The following C1orf167 variants were observed in gnomAD, a reference collection of about 807,000 sequenced individuals.
C1orf167 encodes uncharacterized protein C1orf167.
A neutral mutation model predicts 176.5 loss-of-function variants in C1orf167; 153 were observed. That is an observed-to-expected ratio of 0.87 (90% CI 0.76 to 0.99). The LOEUF (loss-of-function observed/expected upper bound fraction) is 0.99. C1orf167 is among the 50% of genes least tolerant of loss of function. C1orf167 has a pLI of 0.00. For missense variants in C1orf167, 1,490 were observed against 1,817.7 expected, an observed-to-expected ratio of 0.82 and a Z score of 3.28; for synonymous variants, 594 against 752.7, an observed-to-expected ratio of 0.79 and a Z score of 3.45.
chr1:11,780,332 T>C (rs1180639555), intron 13 of C1orf167, among the ~76,000 whole-genome samples: 1 of 152,184 alleles, frequency 6.6e-6, no homozygotes, highest in East Asian at 1.9e-4. Flanking sequence ...CATTGTGCTA[T>C]GAATGAGCAA....
chr1:11,779,882 C>G lies in C1orf167; in HGVS notation c.2732C>G (p.Thr911Ser). ...ELASHRAWDRTCRAVLGLWRQ... is the reference protein window; with the variant it reads ...ELASHRAWDRSCRAVLGLWRQ... ...GCTTCCCACCGGGCCTGGGATCGGA[C>G]CTGCAGGGCTGTGCTGGGCCTGTGG... Residue 911 changes from threonine (T) to serine (S), a missense_variant, in exon 13 of 21, where the codon ACC (threonine) becomes AGC (serine). Coordinates refer to ENST00000688073, the MANE Select transcript of C1orf167 (RefSeq NM_001010881.2). The G allele has an allele frequency of 2.0e-5, 26 of 1,303,240 alleles. No individual in the cohort carries two copies. The highest frequency in any genetic ancestry group is 2.5e-5 in the Non-Finnish European group (25 of 988,880). The allele number at this position is 1,303,240 out of a possible 1,614,324, so 80.7% of individuals were successfully genotyped here.
chr1:11,786,024 C>G (rs1024427444), intron 16 of C1orf167: 1 of 110,470 alleles, frequency 9.1e-6, no homozygotes, highest in South Asian at 3.6e-4. Flanking sequence ...TGAGCCACCG[C>G]GCCAGGCCAA....
In C1orf167 at chr1:11,766,421, TG is replaced by T; in HGVS notation, c.640del (p.Glu214AsnfsTer111). Reference sequence around the variant, plus strand: ...CTGGGGAGCTGGAGGTCCAGGCTGGTGGGGGAACCTCTCACCCTGGAGGACC... The same window carrying T: ...CTGGGGAGCTGGAGGTCCAGGCTGGTGGGGAACCTCTCACCCTGGAGGACC... ...GGLGSWRSRL[V>X]GEPLTLEDLA... On this transcript the variant is annotated frameshift_variant, in exon 3 of 21. Transcript: ENST00000688073. LOFTEE classifies it high-confidence loss of function. The surrounding 1 kb of genome is among the most constrained non-coding windows in gnomAD (Gnocchi z 4.5). 7.8e-7 allele frequency: 1 copy of T among 1,282,242 alleles called. No homozygotes were observed. The highest frequency in any genetic ancestry group is 5.6e-5 in the East Asian group (1 of 17,948). 79.4% of individuals were successfully genotyped at this position (1,282,242 alleles called of 1,614,324 possible). A position where few individuals can be genotyped will look rare whatever the true frequency, so the allele number is the denominator to read the frequency against.
At position 11,784,613 on chromosome 1, in the gene C1orf167, T is replaced by C. The variant is rs1343288314; in HGVS notation, c.3425+20T>C. 1 of 1,221,580 alleles carries C rather than the reference T, an allele frequency of 8.2e-7. No individual in the cohort carries two copies. Among genetic ancestry groups the C allele is most frequent in the Non-Finnish European group, 1.1e-6 (1 of 948,802 alleles). The allele number at this position is 1,221,580 out of a possible 1,614,324, so 75.7% of individuals were successfully genotyped here. On this transcript the variant is annotated intron_variant, in intron 15 of 20. Transcript: ENST00000688073. ...AGCCTGGTGAGTGCTGTGGTCTAAG[T>C]GCAGCCCCACTCTGTGCTTCCAGCT...
chr1:11,781,632 C>T (rs12119092), intron 13 of C1orf167, among the ~76,000 whole-genome samples: 18,956 of 152,112 alleles, frequency 0.12, 1,502 homozygotes, highest in Middle Eastern at 0.23. Context: ...ATTTTTGGGC[C>T]GGGCGCAGTG....
Position 11,789,523 on chromosome 1 carries a change from G to A in C1orf167, c.*77G>A, listed in dbSNP as rs1290245926. On this transcript the variant is annotated 3_prime_UTR_variant, in exon 21 of 21. Coordinates refer to ENST00000688073, the MANE Select transcript of C1orf167 (RefSeq NM_001010881.2). ...GAACCATGCCCCACACATCCAGGGAGTGATGACAGAGGGGACAGCTTGAAG... is the reference window on the plus strand; with the variant it reads ...GAACCATGCCCCACACATCCAGGGAATGATGACAGAGGGGACAGCTTGAAG... The A allele has an allele frequency of 1.6e-5, 19 of 1,221,914 alleles. No individual in the cohort carries two copies. The highest frequency in any genetic ancestry group is 2.0e-5 in the Non-Finnish European group (19 of 931,776). The allele number at this position is 1,221,914 out of a possible 1,614,324, so 75.7% of individuals were successfully genotyped here. A position where few individuals can be genotyped will look rare whatever the true frequency, so the allele number is the denominator to read the frequency against.
chr1:11,787,964 G>GAGGGACC lies in C1orf167; in HGVS notation c.3774_3780dup (p.Arg1261GlyfsTer9). The GAGGGACC allele has an allele frequency of 7.7e-7, 1 of 1,304,248 alleles. No individual in the cohort carries two copies. Among genetic ancestry groups the GAGGGACC allele is most frequent in the Non-Finnish European group, 1.0e-6 (1 of 988,922 alleles). The allele number at this position is 1,304,248 out of a possible 1,614,324, so 80.8% of individuals were successfully genotyped here. A position where few individuals can be genotyped will look rare whatever the true frequency, so the allele number is the denominator to read the frequency against. ...GGGTCCCAGGCCTGCCCCTGTGGAC[G>GAGGGACC]AGGGACCAGGGACCAAGAGCGCACT... On this transcript the variant is annotated frameshift_variant, in exon 18 of 21. Transcript: ENST00000688073. LOFTEE classifies it high-confidence loss of function.
At chr1:11,779,143 C>A in intron 12 of C1orf167, 63 bp downstream of exon 12, 1 of 1,201,382 alleles carries the variant, frequency 8.3e-7, no homozygotes, top group African/African-American at 1.6e-5. Context: ...CCCCTTCTCC[C>A]TTCCACCCTT....
chr1:11,769,185 C>T (rs1258163639), intron 6 of C1orf167, 58 bp downstream of exon 6: 3 of 973,236 alleles, frequency 3.1e-6, no homozygotes, highest in African/African-American at 1.8e-5. Context: ...CCTGCCTTGC[C>T]CCCACTACTT....
rs374392291 is a variant in C1orf167, at chr1:11,769,404, C to CA, written c.1697+284dup. On this transcript the variant is annotated intron_variant, in intron 6 of 20. Transcript: ENST00000688073. ...CAACATAGCGAGACCCCGTCTCTAG[C>CA]AAAAAAATGTAAACATTTAGCCAGG... Among the ~76,000 whole-genome samples, 41 of 151,944 alleles carry CA rather than the reference C, an allele frequency of 2.7e-4. No homozygotes were observed. The East Asian group carries it at 2.9e-3, about 11-fold the overall frequency.
In C1orf167 at chr1:11,788,742, G is replaced by T; in HGVS notation, c.4169G>T (p.Arg1390Ile). The T allele has an allele frequency of 7.7e-7, 1 of 1,304,214 alleles. No homozygotes were observed. Among genetic ancestry groups the T allele is most frequent in the Non-Finnish European group, 1.0e-6 (1 of 988,942 alleles). The allele number at this position is 1,304,214 out of a possible 1,614,324, so 80.8% of individuals were successfully genotyped here. ...GGCTCAGCAGTTACAGCAGCAGGAA[G>T]ATGGGTGGGTCCTTTCCCAGGTACT... is the stretch of plus-strand genomic sequence containing the variant. ...ASGSAVTAAG[R>I]WAFKKWHQRL... Residue 1390 changes from arginine (R) to isoleucine (I), a missense_variant, in exon 20 of 21, where the codon AGA becomes ATA. Arg to Ile is a moderately conservative substitution (Grantham distance 97). Transcript: ENST00000688073.
chr1:11,772,295 TCA>T (rs1383435660), intron 8 of C1orf167, 36 bp downstream of exon 8: 54 of 1,281,320 alleles, frequency 4.2e-5, no homozygotes, highest in Non-Finnish European at 5.2e-5. Flanking sequence ...AGATGAGGTC[TCA>T]CTCTGTCACC....
chr1:11,770,610 A>ATT (rs113478214), intron 6 of C1orf167, among the ~76,000 whole-genome samples: 49 of 134,896 alleles, frequency 3.6e-4, no homozygotes, highest in East Asian at 1.1e-3. Flanking sequence ...CGCCTGGCTG[A>ATT]TTTTTTTTTT....
At chr1:11,773,875 G>C (rs1416325695) in intron 8 of C1orf167, among the ~76,000 whole-genome samples, 1 of 150,974 alleles carries the variant, frequency 6.6e-6, no homozygotes, top group Non-Finnish European at 1.5e-5. Context: ...TATGGCAGTT[G>C]GTTGATAAGT....
chr1:11,780,254 G>A (rs1312159283), intron 13 of C1orf167, among the ~76,000 whole-genome samples: 1 of 152,228 alleles, frequency 6.6e-6, no homozygotes, highest in East Asian at 1.9e-4. Context: ...CAGTTGATCA[G>A]AGAGGTCCGC....
At position 11,775,459 on chromosome 1, in the gene C1orf167, C is replaced by G; in HGVS notation, c.2013C>G (p.Phe671Leu). 1 of 1,301,940 alleles carries G rather than the reference C, an allele frequency of 7.7e-7. No individual in the cohort carries two copies. The highest frequency in any genetic ancestry group is 1.0e-6 in the Non-Finnish European group (1 of 987,936). The allele number at this position is 1,301,940 out of a possible 1,614,324, so 80.6% of individuals were successfully genotyped here. A position where few individuals can be genotyped will look rare whatever the true frequency, so the allele number is the denominator to read the frequency against. Reference protein sequence around the residue: ...LCRCFGAWQQFVQRGSRYRDH... With the variant: ...LCRCFGAWQQLVQRGSRYRDH... ...GGTGCTTCGGGGCGTGGCAGCAGTT[C>G]GTGCAAAGAGGGTCCCGGTACCGAG... The change falls in exon 9 of 21, where the codon TTC becomes TTG. Residue 671 changes from phenylalanine to leucine, a missense_variant. By Grantham distance (22) the Phe-to-Leu change is conservative. Coordinates refer to ENST00000688073, the MANE Select transcript of C1orf167 (RefSeq NM_001010881.2).
At chr1:11,786,941 G>A (rs144624195) in intron 16 of C1orf167, 19 of 152,666 alleles carry the variant, frequency 1.2e-4, no homozygotes, top group African/African-American at 4.3e-4. Flanking sequence ...GATCCCATAA[G>A]CTGATGGAGA....
intron 16 of C1orf167, 124 bp from the exon 17 acceptor site, chr1:11,787,264 T>G: frequency 2.7e-6 from 1 of 365,566 alleles, no homozygotes; most frequent in Non-Finnish European, 4.5e-6. Flanking sequence ...TTCAGCCACA[T>G]GGGGGAATGG....
chr1:11,782,336 G>C lies in C1orf167; in HGVS notation c.3005+3G>C, dbSNP rs1004759626. 5.6e-6 allele frequency: 7 copies of C among 1,245,014 alleles called. No homozygotes were observed. The highest frequency in any genetic ancestry group is 7.3e-6 in the Non-Finnish European group (7 of 960,742). The allele number at this position is 1,245,014 out of a possible 1,614,324, so 77.1% of individuals were successfully genotyped here. On this transcript the variant is annotated splice_donor_region_variant and intron_variant, in intron 14 of 20. Transcript: ENST00000688073. ...CCAGAGCAGCTGCTACTGCAGAGGT[G>C]GGTGGGCCTGGGGGTGGGAGGGTGT...
Sources: gnomAD v4.1 joint callset for allele counts (sites outside exome capture counted in the v4.1 genomes callset) on GRCh38, gnomAD v4.1.1 for gene constraint, Gnocchi (gnomAD v3.1) non-coding constraint, MANE v1.5 for transcripts, NCBI Gene and HGNC (gene_info 2026-07-23, HGNC 2026-07-21) for gene names.